INO80: variants seen among roughly 807,000 people sequenced by gnomAD.
The protein encoded by INO80 is INO80 complex ATPase subunit, also known as chromatin-remodeling ATPase INO80.
In INO80, 20 loss-of-function variants were observed where a neutral mutation model predicts 203.4. That is an observed-to-expected ratio of 0.10 (90% CI 0.07 to 0.14). The LOEUF (loss-of-function observed/expected upper bound fraction) is 0.14, where lower values mean the gene tolerates loss of function less well. Ranked by LOEUF, INO80 falls within the 10% of genes least tolerant of loss-of-function variation. The pLI, the probability that INO80 is intolerant of heterozygous loss-of-function variation, is 1.00. For synonymous variants in INO80, 726 were observed against 685.2 expected (o/e 1.06, Z -0.93); for missense variants, 1,419 against 1,914.4 (o/e 0.74, Z 4.83).
At chr15:40,993,920 C>G (rs1424990349) in intron 29 of INO80, among the ~76,000 whole-genome samples, 1 of 151,904 alleles carries the variant, frequency 6.6e-6, no homozygotes, top group Non-Finnish European at 1.5e-5. Context: ...TCATTTTTTT[C>G]TCCCACTCTA....
At chr15:41,002,335 T>C (rs1258430094) in intron 28 of INO80, among the ~76,000 whole-genome samples, 2 of 152,208 alleles carry the variant, frequency 1.3e-5, no homozygotes, top group East Asian at 3.8e-4. Flanking sequence ...AGCTAAACTT[T>C]TCAAAATCAT....
intron 11 of INO80, among the ~76,000 whole-genome samples, chr15:41,072,849 C>T (rs994036027): frequency 6.6e-6 from 1 of 150,898 alleles, no homozygotes; most frequent in African/African-American, 2.4e-5. Context: ...GGCACAATCT[C>T]GGCTCACAGC....
chr15:41,046,243 ATATATATATATATT>A (rs1413608715), intron 23 of INO80, among the ~76,000 whole-genome samples: 30 of 56,686 alleles, frequency 5.3e-4, no homozygotes, highest in Non-Finnish European at 4.4e-4. Context: ...ATATATATAT[ATATATATATATATT>A]CTTGTTCTGT....
At chr15:41,057,035 A>G (rs1341714510) in intron 16 of INO80, among the ~76,000 whole-genome samples, 3 of 152,230 alleles carry the variant, frequency 2.0e-5, no homozygotes, top group Non-Finnish European at 4.4e-5. Flanking sequence ...TAGAAAGTAC[A>G]TATCTGTGGT....
At chr15:41,093,947 T>C (rs1289610154) in intron 4 of INO80, among the ~76,000 whole-genome samples, 1 of 152,238 alleles carries the variant, frequency 6.6e-6, no homozygotes, top group East Asian at 1.9e-4. Flanking sequence ...TAACAATTTC[T>C]GCATTTCCAA....
intron 1 of INO80, 25 bp downstream of exon 1, chr15:41,115,948 G>A (rs886103774): frequency 8.1e-5 from 31 of 381,076 alleles, no homozygotes; most frequent in Non-Finnish European, 1.2e-4. Context: ...CACTCCGTTC[G>A]CCCGCCCACG....
intron 28 of INO80, among the ~76,000 whole-genome samples, chr15:40,998,871 A>C (rs553081862): frequency 2.4e-4 from 37 of 152,118 alleles, no homozygotes; most frequent in African/African-American, 5.3e-4. Context: ...CATGTTGACC[A>C]GGCTGGTCTC....
chr15:41,053,914 G>A lies in INO80; in HGVS notation c.2274+15C>T. 1 of 1,599,220 alleles carries A rather than the reference G, an allele frequency of 6.3e-7. No individual in the cohort carries two copies. The stretch of plus-strand genomic sequence containing the variant: ...GCCTATTGAGGCTTAAACACATGAG[G>A]TCTTCTTTACTTACCTTGTCAGATA... On this transcript the variant is annotated intron_variant, in intron 19 of 35. Transcript: ENST00000648947.
chr15:41,033,892 A>C (rs1482633272), intron 24 of INO80, among the ~76,000 whole-genome samples: 7 of 144,684 alleles, frequency 4.8e-5, no homozygotes, highest in African/African-American at 7.5e-5. Flanking sequence ...TATCTCTACT[A>C]AAAAAAAAAA....
chr15:41,106,045 C>A (rs1356581512), intron 1 of INO80, among the ~76,000 whole-genome samples: 3 of 151,988 alleles, frequency 2.0e-5, no homozygotes, highest in African/African-American at 7.2e-5. Context: ...ACTGCTTGAG[C>A]CCAGGAGTTC....
chr15:41,082,314 G>A (rs111987819), intron 7 of INO80, among the ~76,000 whole-genome samples: 4,149 of 150,348 alleles, frequency 0.028, 185 homozygotes, highest in African/African-American at 0.096. Context: ...CTGCAACCCC[G>A]GCACTTTGGG....
chr15:41,085,126 G>C (rs1042254568), intron 7 of INO80, among the ~76,000 whole-genome samples: 1 of 152,170 alleles, frequency 6.6e-6, no homozygotes, highest in Non-Finnish European at 1.5e-5. Flanking sequence ...TCTTGAAGAA[G>C]TTGTCCTCCA....
intron 28 of INO80, among the ~76,000 whole-genome samples, chr15:40,999,001 C>T (rs191025188): frequency 0.028 from 4,195 of 151,626 alleles, 184 homozygotes; most frequent in African/African-American, 0.096. Context: ...CACACACACA[C>T]ACACACACAC....
intron 22 of INO80, among the ~76,000 whole-genome samples, chr15:41,047,757 A>C (rs796310043): frequency 9.2e-5 from 14 of 152,312 alleles, no homozygotes; most frequent in African/African-American, 3.4e-4. Context: ...GGATTTTTGG[A>C]TGCTTGCCTA....
At chr15:40,997,417 T>G (rs1051676059) in intron 29 of INO80, 112 bp downstream of exon 29, 1 of 711,222 alleles carries the variant, frequency 1.4e-6, no homozygotes, top group Non-Finnish European at 2.5e-6. Flanking sequence ...TTTGCAAGTT[T>G]GTGACACAAA....
intron 28 of INO80, among the ~76,000 whole-genome samples, chr15:41,000,127 C>A (rs575103840): frequency 6.6e-6 from 1 of 152,100 alleles, no homozygotes; most frequent in Non-Finnish European, 1.5e-5. Flanking sequence ...TTCCCACTTC[C>A]GCACTGAGAA....
intron 19 of INO80, 148 bp downstream of exon 19, chr15:41,053,781 C>A (rs907998251): frequency 4.1e-6 from 2 of 485,474 alleles, no homozygotes; most frequent in South Asian, 5.1e-5. Flanking sequence ...CAATTATTTG[C>A]CTCATTTTAA....
At position 41,023,951 on chromosome 15, in the gene INO80, T is replaced by C. The variant is rs747248094; in HGVS notation, c.3049-2826A>G. 2.0e-4 allele frequency among the ~76,000 whole-genome samples: 31 copies of C among 152,022 alleles called. 1 individual carries two copies. Among genetic ancestry groups the C allele is most frequent in the Admixed American group, 1.9e-3 (29 of 15,272 alleles). On this transcript the variant is annotated intron_variant, in intron 25 of 35. Coordinates refer to ENST00000648947, the MANE Select transcript of INO80 (RefSeq NM_017553.3). Reference sequence around the variant, plus strand: ...ATTATACATAAAGACTCTGGGCTCATAGTCTCGAGATGAAAAGCCAAAAGC... The same window carrying C: ...ATTATACATAAAGACTCTGGGCTCACAGTCTCGAGATGAAAAGCCAAAAGC...
At chr15:40,985,060 A>T (rs1279950324) in intron 32 of INO80, among the ~76,000 whole-genome samples, 2 of 152,122 alleles carry the variant, frequency 1.3e-5, no homozygotes, top group Non-Finnish European at 2.9e-5. Flanking sequence ...CATCTTAGTC[A>T]CATTTTAGCC....
Sources: gnomAD v4.1 joint callset for allele counts (sites outside exome capture counted in the v4.1 genomes callset) on GRCh38, gnomAD v4.1.1 for gene constraint, MANE v1.5 for transcripts, NCBI Gene and HGNC (gene_info 2026-07-23, HGNC 2026-07-21) for gene names.